The following NEBL variants were observed in gnomAD, a reference collection of about 807,000 sequenced individuals.
The protein encoded by NEBL is LIM and SH3 protein 2.
A neutral mutation model predicts 140.2 loss-of-function variants in NEBL; 122 were observed. That is an observed-to-expected ratio of 0.87 (90% CI 0.75 to 1.01). The LOEUF (loss-of-function observed/expected upper bound fraction) is 1.01, where lower values mean the gene tolerates loss of function less well. Among genes scored for constraint, NEBL ranks in the 50% least tolerant of loss-of-function variants. NEBL has a pLI of 0.00. For synonymous variants in NEBL, 436 were observed against 398.9 expected (o/e 1.09, Z -1.11); for missense variants, 1,365 against 1,231.3 (o/e 1.11, Z -1.62).
chr10:20,951,010 C>T (rs1022419324), intron 4 of NEBL, among the ~76,000 whole-genome samples: 4 of 152,018 alleles, frequency 2.6e-5, no homozygotes, highest in African/African-American at 7.2e-5. Flanking sequence ...TGGCTCATAC[C>T]TGTAATCCCA....
chr10:21,047,025 A>G (rs758907416), intron 2 of NEBL, among the ~76,000 whole-genome samples: 3 of 152,218 alleles, frequency 2.0e-5, no homozygotes, highest in Non-Finnish European at 4.4e-5. Context: ...TTATAGTGTT[A>G]TATTTTCAAG....
intron 2 of NEBL, among the ~76,000 whole-genome samples, chr10:21,102,058 T>C (rs1837503605): frequency 6.6e-6 from 1 of 152,200 alleles, no homozygotes; most frequent in African/African-American, 2.4e-5. Context: ...TTAAACTACC[T>C]GTAACTATCC....
chr10:21,010,401 T>C (rs1234890293), intron 3 of NEBL, among the ~76,000 whole-genome samples: 1 of 150,752 alleles, frequency 6.6e-6, no homozygotes, highest in African/African-American at 2.5e-5. Flanking sequence ...TGTGCTACCA[T>C]GCCCAGCGAA....
chr10:21,177,858 G>A (rs571637993), upstream of NEBL, among the ~76,000 whole-genome samples: 8 of 152,206 alleles, frequency 5.3e-5, no homozygotes, highest in Admixed American at 1.3e-4. Flanking sequence ...AAGGTGAGCC[G>A]TTAGAAGTGT....
chr10:20,823,719 G>A (rs901347562), intron 18 of NEBL, among the ~76,000 whole-genome samples: 8 of 152,028 alleles, frequency 5.3e-5, no homozygotes, highest in African/African-American at 1.9e-4. Flanking sequence ...CACAGAGTCT[G>A]GGGAGCACTG....
intron 2 of NEBL, among the ~76,000 whole-genome samples, chr10:21,160,033 T>C (rs1840492060): frequency 6.6e-6 from 1 of 152,192 alleles, no homozygotes; most frequent in Non-Finnish European, 1.5e-5. Context: ...TAACAATTGT[T>C]CCTGACCCAC....
chr10:21,030,300 G>A, intron 2 of NEBL: 1 of 653,082 alleles, frequency 1.5e-6, no homozygotes, highest in Non-Finnish European at 2.7e-6. Context: ...GAACTGGAAC[G>A]GTGGAGGACA....
At chr10:21,288,484 C>G (rs1843090754) in intron 1 of NEBL, among the ~76,000 whole-genome samples, 1 of 150,926 alleles carries the variant, frequency 6.6e-6, no homozygotes, top group Admixed American at 6.6e-5. Context: ...GAGAAAAAGC[C>G]CGACGCGGTG....
chr10:21,041,025 G>C (rs1370600007), intron 2 of NEBL, among the ~76,000 whole-genome samples: 1 of 152,156 alleles, frequency 6.6e-6, no homozygotes, highest in Non-Finnish European at 1.5e-5. Context: ...GTCTCAGGTA[G>C]TTCCTTATAG....
chr10:20,821,844 A>T (rs1261927791), intron 19 of NEBL, among the ~76,000 whole-genome samples: 1 of 152,178 alleles, frequency 6.6e-6, no homozygotes, highest in Non-Finnish European at 1.5e-5. Context: ...TACTCATCAC[A>T]CTAAACCCTC....
At chr10:20,928,801 C>T (rs1030231211) in intron 4 of NEBL, among the ~76,000 whole-genome samples, 6 of 152,122 alleles carry the variant, frequency 3.9e-5, no homozygotes, top group African/African-American at 1.2e-4. Context: ...ATTCCATCAA[C>T]GTTAATTAAA....
chr10:21,158,659 G>T (rs911141578), intron 2 of NEBL, among the ~76,000 whole-genome samples: 2 of 152,142 alleles, frequency 1.3e-5, no homozygotes, highest in African/African-American at 4.8e-5. Flanking sequence ...GTTTTCTCAG[G>T]TCCCTAAGAT....
intron 3 of NEBL, among the ~76,000 whole-genome samples, chr10:21,233,680 AT>A (rs997566685): frequency 2.8e-5 from 4 of 144,836 alleles, no homozygotes; most frequent in African/African-American, 1.0e-4. Flanking sequence ...CTATATATGT[AT>A]ATCTAGATAT....
rs148714752 is a variant in NEBL at position 21,146,234 on chromosome 10, T to C, written c.164+26149A>G. 1,062 of 858,516 alleles carry C rather than the reference T, an allele frequency of 1.2e-3. 7 individuals carry two copies. Among genetic ancestry groups the C allele is most frequent in the Middle Eastern group, 4.6e-3 (20 of 4,356 alleles). The allele number at this position is 858,516 out of a possible 1,614,324, so 53.2% of individuals were successfully genotyped here. On this transcript the variant is annotated intron_variant, in intron 2 of 6. Transcript: ENST00000417816. ...TTTATTTCATGCAGAGGGTACTCCG[T>C]TCACCCCTCTTACAGCTGCACGTGT...
chr10:20,800,412 C>A (rs759002077), intron 26 of NEBL, among the ~76,000 whole-genome samples: 1 of 152,018 alleles, frequency 6.6e-6, no homozygotes, highest in African/African-American at 2.4e-5. Flanking sequence ...TTGGCTATTA[C>A]GATAAAAATG....
intron 5 of NEBL, among the ~76,000 whole-genome samples, chr10:20,875,504 A>G (rs1845409950): frequency 6.6e-6 from 1 of 152,226 alleles, no homozygotes; most frequent in Admixed American, 6.5e-5. Context: ...AGGTATAGGC[A>G]GACACATGTG....
chr10:20,868,848 A>G (rs1210481787), intron 6 of NEBL, 83 bp from the exon 7 acceptor site: 2 of 761,518 alleles, frequency 2.6e-6, no homozygotes, highest in South Asian at 1.5e-5. Flanking sequence ...AAAAAAAAAA[A>G]TAACAGACCT....
At position 21,098,430 on chromosome 10, in the gene NEBL, C is replaced by T. The variant is rs183644377; in HGVS notation, c.164+73953G>A. 8.5e-5 allele frequency among the ~76,000 whole-genome samples: 13 copies of T among 152,286 alleles called. No homozygotes were observed. The East Asian group carries it at 2.1e-3, about 25-fold the overall frequency. On this transcript the variant is annotated intron_variant, in intron 2 of 6. Transcript: ENST00000417816. ...TTGAATTGAAATATGGTACCAAATGCAGACTCAGGAAACCCAATGGTATTT... is the reference window on the plus strand; with the variant it reads ...TTGAATTGAAATATGGTACCAAATGTAGACTCAGGAAACCCAATGGTATTT...
chr10:20,792,803 CA>C (rs879926102), intron 26 of NEBL, among the ~76,000 whole-genome samples: 2,104 of 104,958 alleles, frequency 0.02, 50 homozygotes, highest in African/African-American at 0.065. Flanking sequence ...AATTCTGTCT[CA>C]AAAAAAAAAA....
Sources: allele counts gnomAD v4.1 joint callset (sites outside exome capture counted in the v4.1 genomes callset), GRCh38; gene constraint gnomAD v4.1.1; transcripts MANE v1.5; gene names NCBI Gene and HGNC (gene_info 2026-07-23, HGNC 2026-07-21).